Variants in VWA8 observed in about 807,000 individuals in gnomAD.
The protein encoded by VWA8 is von Willebrand factor A domain-containing protein 8.
A neutral mutation model predicts 241.5 loss-of-function variants in VWA8; 221 were observed. The observed-to-expected ratio is 0.91, with a 90% CI of 0.82 to 1.02. The LOEUF is 1.02. VWA8 is among the 50% of genes least tolerant of loss of function. VWA8 has a pLI of 0.00. For synonymous variants in VWA8, 852 were observed against 827.1 expected (o/e 1.03, Z -0.52); for missense variants, 2,322 against 2,328.7 (o/e 1.00, Z 0.06).
intron 9 of VWA8, among the ~76,000 whole-genome samples, chr13:41,878,739 C>T (rs1191330841): frequency 3.3e-5 from 5 of 151,968 alleles, no homozygotes; most frequent in Admixed American, 6.6e-5. Context: ...TTCTACGTTC[C>T]CCTTAATTAT....
intron 39 of VWA8, among the ~76,000 whole-genome samples, chr13:41,607,061 T>C (rs977189604): frequency 2.6e-5 from 4 of 152,196 alleles, no homozygotes; most frequent in African/African-American, 7.2e-5. Flanking sequence ...CATGTATGTA[T>C]ATAGGATAAC....
At chr13:41,627,819 G>T (rs988607101) in intron 37 of VWA8, among the ~76,000 whole-genome samples, 2 of 152,016 alleles carry the variant, frequency 1.3e-5, no homozygotes, top group African/African-American at 4.8e-5. Context: ...TAAAGACTAC[G>T]CCCCAGGTCA....
intron 38 of VWA8, 50 bp from the exon 39 acceptor site, chr13:41,611,782 G>T: frequency 1.9e-6 from 3 of 1,606,100 alleles, no homozygotes; most frequent in South Asian, 2.2e-5. Flanking sequence ...CTTGACCACA[G>T]AACAAAAGTT....
At chr13:41,800,787 C>T (rs1390430055) in intron 17 of VWA8, among the ~76,000 whole-genome samples, 1 of 128,012 alleles carries the variant, frequency 7.8e-6, no homozygotes, top group Middle Eastern at 4.2e-3. Flanking sequence ...AGCGAGACTC[C>T]ATCTCCAAAA....
At chr13:41,905,062 G>A (rs1269492719) in intron 4 of VWA8, 1 of 152,066 alleles carries the variant, frequency 6.6e-6, no homozygotes, top group Non-Finnish European at 1.5e-5. Flanking sequence ...TAAATTGAGA[G>A]TCGAAGTCAA....
intron 43 of VWA8, among the ~76,000 whole-genome samples, chr13:41,573,142 A>C (rs1195581937): frequency 6.8e-6 from 1 of 147,268 alleles, no homozygotes; most frequent in Non-Finnish European, 1.5e-5. Context: ...CAAGCCAGGC[A>C]CGGTGGCTGA....
At chr13:41,572,185 G>GC (rs1168267607) in intron 43 of VWA8, among the ~76,000 whole-genome samples, 1 of 150,852 alleles carries the variant, frequency 6.6e-6, no homozygotes, top group Non-Finnish European at 1.5e-5. Context: ...TGGGGGGTCA[G>GC]CCCCCGCCCC....
At chr13:41,824,041 T>C (rs756366642) in intron 14 of VWA8, among the ~76,000 whole-genome samples, 1 of 152,206 alleles carries the variant, frequency 6.6e-6, no homozygotes, top group Non-Finnish European at 1.5e-5. Context: ...ACTGGATTAA[T>C]AGAGTTACCC....
At chr13:41,763,320 G>A (rs10660139) in intron 20 of VWA8, among the ~76,000 whole-genome samples, 2,415 of 112,040 alleles carry the variant, frequency 0.022, 29 homozygotes, top group Middle Eastern at 0.072. Flanking sequence ...TAGATAGATA[G>A]ATAGATAGAT....
intron 38 of VWA8, 78 bp from the exon 39 acceptor site, chr13:41,611,810 C>T (rs1368618913): frequency 6.5e-7 from 1 of 1,544,424 alleles, no homozygotes. Flanking sequence ...GGTTTTAGGA[C>T]AGCCTTGTGG....
At chr13:41,727,759 G>A (rs1478708932) in intron 23 of VWA8, among the ~76,000 whole-genome samples, 3 of 152,134 alleles carry the variant, frequency 2.0e-5, no homozygotes, top group Non-Finnish European at 2.9e-5. Flanking sequence ...ATGCAGCTAA[G>A]GAGTTATTCC....
chr13:41,719,463 C>T, intron 26 of VWA8, 128 bp downstream of exon 26: 2 of 1,521,578 alleles, frequency 1.3e-6, no homozygotes, highest in Non-Finnish European at 1.8e-6. Flanking sequence ...CAAACAGCAA[C>T]ATATACATGT....
intron 2 of VWA8, chr13:41,926,731 T>C (rs968815486): frequency 1.9e-6 from 1 of 538,124 alleles, no homozygotes; most frequent in Non-Finnish European, 3.8e-6. Context: ...AGGCCTATGA[T>C]ACTGACTTCA....
intron 2 of VWA8, chr13:41,927,151 T>C (rs1876885844): frequency 2.3e-6 from 1 of 431,800 alleles, no homozygotes; most frequent in Admixed American, 2.7e-5. Context: ...CAGGTGATGA[T>C]GAGGCCATTT....
At chr13:41,863,428 TGTG>T (rs1481739637) in intron 12 of VWA8, among the ~76,000 whole-genome samples, 1 of 82,696 alleles carries the variant, frequency 1.2e-5, no homozygotes, top group South Asian at 3.9e-4. Flanking sequence ...TGTGTGTGTG[TGTG>T]TGTATATATA....
At position 41,864,425 on chromosome 13, in the gene VWA8, C is replaced by A. The variant is rs557324531; in HGVS notation, c.1425+1311G>T. Among the ~76,000 whole-genome samples the A allele has an allele frequency of 3.3e-5, 5 of 152,210 alleles. No homozygotes were observed. The South Asian group carries it at 1.0e-3, about 32-fold the overall frequency. Reference sequence around the variant, plus strand: ...GGTTACAATAGTCTAAAGGAAACAACCCCAAGGTCCATCAACAGACCAATG... The same window carrying A: ...GGTTACAATAGTCTAAAGGAAACAAACCCAAGGTCCATCAACAGACCAATG... On this transcript the variant is annotated intron_variant, in intron 12 of 44. Coordinates refer to ENST00000379310, the MANE Select transcript of VWA8 (RefSeq NM_015058.2).
At chr13:41,631,226 GC>G (rs2044724350) in intron 37 of VWA8, among the ~76,000 whole-genome samples, 1 of 151,974 alleles carries the variant, frequency 6.6e-6, no homozygotes, top group African/African-American at 2.4e-5. Context: ...CACCGTGTTG[GC>G]CAGGCTGGTC....
intron 37 of VWA8, among the ~76,000 whole-genome samples, chr13:41,665,042 C>A (rs1294699631): frequency 6.6e-6 from 1 of 152,058 alleles, no homozygotes; most frequent in East Asian, 1.9e-4. Context: ...TTGGATCTGA[C>A]AAAATTTTTT....
At chr13:41,825,940 C>G (rs1871154004) in intron 14 of VWA8, among the ~76,000 whole-genome samples, 1 of 152,148 alleles carries the variant, frequency 6.6e-6, no homozygotes, top group Non-Finnish European at 1.5e-5. Flanking sequence ...TTTCCTCATT[C>G]AGTACAAATT....
Sources: allele counts gnomAD v4.1 joint callset (sites outside exome capture counted in the v4.1 genomes callset), GRCh38; gene constraint gnomAD v4.1.1; transcripts MANE v1.5; gene names NCBI Gene and HGNC (gene_info 2026-07-23, HGNC 2026-07-21).